Variants in SNTG1 observed in about 807,000 individuals in gnomAD.
The protein encoded by SNTG1 is gamma-1-syntrophin.
In SNTG1, 39 loss-of-function variants were observed where a neutral mutation model predicts 74.7. The ratio of observed to expected loss-of-function variants is 0.52; its 90% CI spans 0.40 to 0.68. The LOEUF is 0.68. Among genes scored for constraint, SNTG1 ranks in the 30% least tolerant of loss-of-function variants. The pLI is 0.00. For synonymous variants in SNTG1, 254 were observed against 217.1 expected (o/e 1.17, Z -1.49); for missense variants, 685 against 609.5 (o/e 1.12, Z -1.30).
chr8:50,165,878 A>C (rs985724765), intron 1 of SNTG1, among the ~76,000 whole-genome samples: 6 of 151,926 alleles, frequency 3.9e-5, no homozygotes, highest in Non-Finnish European at 5.9e-5. Flanking sequence ...CTATACTACA[A>C]GGCTACAGTA....
chr8:50,409,629 C>T (rs1490786502), intron 4 of SNTG1, among the ~76,000 whole-genome samples: 2 of 152,100 alleles, frequency 1.3e-5, no homozygotes, highest in African/African-American at 4.8e-5. Flanking sequence ...AGCTGAAATC[C>T]AACATTCAGT....
At chr8:49,987,967 A>T (rs960211664) in intron 1 of SNTG1, among the ~76,000 whole-genome samples, 1 of 152,140 alleles carries the variant, frequency 6.6e-6, no homozygotes, top group East Asian at 1.9e-4. Flanking sequence ...AAAAACTGCA[A>T]TTACCTTTGC....
intron 13 of SNTG1, among the ~76,000 whole-genome samples, chr8:50,597,331 A>C (rs757792442): frequency 6.9e-6 from 1 of 144,692 alleles, no homozygotes; most frequent in Non-Finnish European, 1.5e-5. Context: ...ATATATACAC[A>C]TATATATACA....
chr8:50,255,286 G>T (rs1901053), intron 2 of SNTG1, among the ~76,000 whole-genome samples: 4,201 of 152,064 alleles, frequency 0.028, 186 homozygotes, highest in African/African-American at 0.091. Flanking sequence ...GCACTGAACT[G>T]GTTTCCTTAA....
intron 1 of SNTG1, among the ~76,000 whole-genome samples, chr8:50,157,846 ATG>A (rs903593910): frequency 6.6e-6 from 1 of 152,170 alleles, no homozygotes; most frequent in African/African-American, 2.4e-5. Context: ...AGAATCGAGA[ATG>A]TTATAAAAGT....
At chr8:50,543,263 G>C (rs1361434684) in intron 11 of SNTG1, among the ~76,000 whole-genome samples, 1 of 152,214 alleles carries the variant, frequency 6.6e-6, no homozygotes, top group East Asian at 1.9e-4. Context: ...TGTATGGTGA[G>C]GGATAGGGCT....
chr8:50,120,870 G>C (rs963469848), intron 1 of SNTG1, among the ~76,000 whole-genome samples: 4 of 141,810 alleles, frequency 2.8e-5, no homozygotes, highest in African/African-American at 7.7e-5. Flanking sequence ...AAATGAACAA[G>C]TCATGTAGCC....
intron 8 of SNTG1, among the ~76,000 whole-genome samples, chr8:50,502,019 GCA>G (rs2093963389): frequency 1.3e-5 from 2 of 151,444 alleles, no homozygotes; most frequent in East Asian, 3.9e-4. Context: ...TTTAAAATTT[GCA>G]CATGGCTTAT....
chr8:50,160,408 C>T (rs138493349), intron 1 of SNTG1, among the ~76,000 whole-genome samples: 183 of 152,236 alleles, frequency 1.2e-3, no homozygotes, highest in African/African-American at 3.8e-3. Flanking sequence ...TGCTTTGAAA[C>T]AGTTACCTCT....
intron 4 of SNTG1, among the ~76,000 whole-genome samples, chr8:50,418,128 C>T (rs1483634830): frequency 6.6e-6 from 1 of 152,138 alleles, no homozygotes; most frequent in Non-Finnish European, 1.5e-5. Context: ...TTCTCTGCTT[C>T]CTCTTCCAGA....
intron 1 of SNTG1, among the ~76,000 whole-genome samples, chr8:50,055,741 G>A (rs1027865276): frequency 3.3e-5 from 5 of 152,138 alleles, no homozygotes; most frequent in East Asian, 1.9e-4. Context: ...AAGGTACCTC[G>A]AAGTTGGTCC....
At chr8:49,938,603 T>TTTTCTTTTCTTTTCTTTTCTTTTC in intron 1 of SNTG1, among the ~76,000 whole-genome samples, 15 of 74,738 alleles carry the variant, frequency 2.0e-4, no homozygotes, top group African/African-American at 3.2e-4. Flanking sequence ...TTTTCTTTTC[T>TTTTCTTTTCTTTTCTTTTCTTTTC]TTTCTTTCTT....
At chr8:50,547,326 C>T (rs1387446771) in intron 11 of SNTG1, among the ~76,000 whole-genome samples, 2 of 152,104 alleles carry the variant, frequency 1.3e-5, no homozygotes, top group African/African-American at 2.4e-5. Flanking sequence ...CATTAAGACC[C>T]TCTCCATAAG....
rs541379564 is a variant in SNTG1 at position 50,470,529 on chromosome 8, A to G, written c.363+19800A>G. On this transcript the variant is annotated intron_variant, in intron 8 of 18. Coordinates refer to ENST00000642720, the MANE Select transcript of SNTG1 (RefSeq NM_018967.5). ...CGCAGACCTTCGTAGTGAGTGTTACAGCTCTTAAAGGTGGCGCGTCCAGAG... is the reference window on the plus strand; with the variant it reads ...CGCAGACCTTCGTAGTGAGTGTTACGGCTCTTAAAGGTGGCGCGTCCAGAG... Among the ~76,000 whole-genome samples the G allele has an allele frequency of 1.9e-3, 281 of 151,862 alleles. 4 individuals are homozygous for G. The highest frequency in any genetic ancestry group is 6.5e-3 in the African/African-American group (271 of 41,418).
chr8:49,959,800 A>G (rs1030918228), intron 1 of SNTG1, among the ~76,000 whole-genome samples: 1 of 152,182 alleles, frequency 6.6e-6, no homozygotes, highest in Non-Finnish European at 1.5e-5. Flanking sequence ...TATAATTTAC[A>G]GTTAGTTTTT....
At chr8:50,023,616 A>G (rs1032482504) in intron 1 of SNTG1, among the ~76,000 whole-genome samples, 2 of 152,110 alleles carry the variant, frequency 1.3e-5, no homozygotes, top group African/African-American at 4.8e-5. Context: ...GTAGGCTGCT[A>G]AGGATGATTT....
chr8:50,049,058 C>T (rs1019588932), intron 1 of SNTG1, among the ~76,000 whole-genome samples: 4 of 150,884 alleles, frequency 2.7e-5, no homozygotes, highest in Non-Finnish European at 5.9e-5. Flanking sequence ...ATATAAAATG[C>T]TCAATTAAAG....
intron 13 of SNTG1, among the ~76,000 whole-genome samples, chr8:50,601,890 T>C (rs998063811): frequency 6.6e-6 from 1 of 152,178 alleles, no homozygotes; most frequent in African/African-American, 2.4e-5. Context: ...TCTCCTCTTG[T>C]AGTTTTTGTC....
At chr8:50,005,581 G>T (rs1226767793) in intron 1 of SNTG1, among the ~76,000 whole-genome samples, 1 of 151,802 alleles carries the variant, frequency 6.6e-6, no homozygotes, top group Non-Finnish European at 1.5e-5. Context: ...ATGCAATAAG[G>T]GTTACTATAT....
Sources: gnomAD v4.1 joint callset for allele counts (sites outside exome capture counted in the v4.1 genomes callset) on GRCh38, gnomAD v4.1.1 for gene constraint, MANE v1.5 for transcripts, NCBI Gene and HGNC (gene_info 2026-07-23, HGNC 2026-07-21) for gene names.